The following TSPAN5 variants were observed in gnomAD, a reference collection of about 807,000 sequenced individuals.
The protein encoded by TSPAN5 is tetraspanin-5.
Under a neutral mutation model 37.1 loss-of-function variants are expected in TSPAN5, and 10 were observed. That is an observed-to-expected ratio of 0.27 (90% CI 0.17 to 0.46). The LOEUF (loss-of-function observed/expected upper bound fraction) is 0.46, where lower values mean the gene tolerates loss of function less well. TSPAN5 is among the 20% of genes least tolerant of loss of function. TSPAN5 has a pLI of 1.00. For missense variants in TSPAN5, 195 were observed against 326.6 expected (o/e 0.60, Z 3.11); for synonymous variants, 110 against 118.9 (o/e 0.93, Z 0.48).
chr4:98,608,949 A>G (rs1756108211), intron 1 of TSPAN5, among the ~76,000 whole-genome samples: 1 of 152,214 alleles, frequency 6.6e-6, no homozygotes. Context: ...AGTTACTAAC[A>G]CATGGCACTT....
At position 98,658,253 on chromosome 4, in the gene TSPAN5, C is replaced by CCGG; in HGVS notation, c.-30_-28dup. 1 of 1,599,780 alleles carries CCGG rather than the reference C, an allele frequency of 6.3e-7. No homozygotes were observed. Among genetic ancestry groups the CCGG allele is most frequent in the Non-Finnish European group, 8.6e-7 (1 of 1,167,006 alleles). ...CTCTGGGTTCATGAAGACACTTGCC[C>CCGG]CGGCAGCCCGAGTTTGGAGCTCCGA... On this transcript the variant is annotated 5_prime_UTR_variant, in exon 1 of 8. Coordinates refer to ENST00000305798, the MANE Select transcript of TSPAN5 (RefSeq NM_005723.4).
In TSPAN5 at chr4:98,555,991, G is replaced by A. The variant is rs545794893; in HGVS notation, c.82-48263C>T. Among the ~76,000 whole-genome samples, 5 of 146,900 alleles carry A rather than the reference G, an allele frequency of 3.4e-5. No homozygotes were observed. The South Asian group carries it at 8.6e-4, about 25-fold the overall frequency. On this transcript the variant is annotated intron_variant, in intron 1 of 7. Coordinates refer to ENST00000305798, the MANE Select transcript of TSPAN5 (RefSeq NM_005723.4). ...CACACGCGCGCGCACACACACGTGC[G>A]TGCGCACACACACACGTGCACAGCA...
At chr4:98,598,172 A>C (rs564024271) in intron 1 of TSPAN5, among the ~76,000 whole-genome samples, 118 of 137,360 alleles carry the variant, frequency 8.6e-4, no homozygotes, top group Non-Finnish European at 1.5e-3. Flanking sequence ...TGAAAAGCGC[A>C]ATATTCGGGT....
intron 1 of TSPAN5, among the ~76,000 whole-genome samples, chr4:98,510,857 G>T (rs1370483221): frequency 6.6e-6 from 1 of 152,158 alleles, no homozygotes; most frequent in Non-Finnish European, 1.5e-5. Flanking sequence ...ACTAGCAAAT[G>T]TCCTCCCAAT....
intron 1 of TSPAN5, among the ~76,000 whole-genome samples, chr4:98,547,077 A>T (rs1754486992): frequency 1.3e-5 from 2 of 152,148 alleles, no homozygotes; most frequent in African/African-American, 2.4e-5. Context: ...GGCAAGCATA[A>T]CAGTAGCCTT....
At chr4:98,492,793 C>G (rs1405015594) in intron 2 of TSPAN5, among the ~76,000 whole-genome samples, 2 of 152,178 alleles carry the variant, frequency 1.3e-5, no homozygotes, top group Non-Finnish European at 2.9e-5. Context: ...TCTTATGGAA[C>G]TTTTAGGTGA....
chr4:98,525,399 C>T (rs116545920), intron 1 of TSPAN5, among the ~76,000 whole-genome samples: 6 of 152,208 alleles, frequency 3.9e-5, no homozygotes, highest in Admixed American at 6.5e-5. Flanking sequence ...TTAGGTGAAC[C>T]GAACTGAAGT....
At chr4:98,521,201 A>T (rs1016841160) in intron 1 of TSPAN5, among the ~76,000 whole-genome samples, 2 of 152,236 alleles carry the variant, frequency 1.3e-5, no homozygotes, top group African/African-American at 2.4e-5. Flanking sequence ...AAGCACTGAG[A>T]TTACAGGTGT....
At chr4:98,656,094 C>T (rs887398532) in intron 1 of TSPAN5, among the ~76,000 whole-genome samples, 1 of 152,172 alleles carries the variant, frequency 6.6e-6, no homozygotes, top group African/African-American at 2.4e-5. Flanking sequence ...CCTATGAAGA[C>T]CTTCACAATC....
chr4:98,606,940 G>A (rs765883718), intron 1 of TSPAN5, among the ~76,000 whole-genome samples: 12 of 152,176 alleles, frequency 7.9e-5, no homozygotes, highest in Non-Finnish European at 2.9e-5. Context: ...AAGAGGCGAG[G>A]TGCAGACGGA....
intron 1 of TSPAN5, among the ~76,000 whole-genome samples, chr4:98,645,281 G>GT (rs1210072475): frequency 2.6e-5 from 4 of 152,164 alleles, no homozygotes; most frequent in Non-Finnish European, 5.9e-5. Flanking sequence ...CTAGAAGTTA[G>GT]TAAGTCATAT....
chr4:98,488,000 A>T (rs1467139750), intron 2 of TSPAN5, among the ~76,000 whole-genome samples: 1 of 152,198 alleles, frequency 6.6e-6, no homozygotes, highest in African/African-American at 2.4e-5. Flanking sequence ...AAATCAAAAT[A>T]CCTCCAGAGA....
intron 1 of TSPAN5, among the ~76,000 whole-genome samples, chr4:98,614,118 A>C (rs997774500): frequency 1.3e-5 from 2 of 152,204 alleles, no homozygotes; most frequent in Non-Finnish European, 2.9e-5. Context: ...GGTATCTCAA[A>C]GCACAAATGA....
intron 1 of TSPAN5, among the ~76,000 whole-genome samples, chr4:98,603,450 G>T (rs1755930773): frequency 1.3e-5 from 2 of 152,314 alleles, no homozygotes; most frequent in South Asian, 4.1e-4. Context: ...CAAATCTGTT[G>T]TCAATACATT....
At chr4:98,655,668 T>C in intron 1 of TSPAN5, among the ~76,000 whole-genome samples, 1 of 151,780 alleles carries the variant, frequency 6.6e-6, no homozygotes, top group East Asian at 1.9e-4. Context: ...GAGTCTGCTG[T>C]TTTTGGCAAT....
At chr4:98,561,914 C>G (rs1754889699) in intron 1 of TSPAN5, among the ~76,000 whole-genome samples, 1 of 152,186 alleles carries the variant, frequency 6.6e-6, no homozygotes, top group Non-Finnish European at 1.5e-5. Flanking sequence ...TTCCAGCAGA[C>G]ACTGTCCAGG....
intron 1 of TSPAN5, among the ~76,000 whole-genome samples, chr4:98,649,539 T>C (rs1369188488): frequency 4.6e-5 from 7 of 152,216 alleles, no homozygotes; most frequent in Non-Finnish European, 7.3e-5. Context: ...GGAAAGCAAG[T>C]GCAGTTTAGC....
Position 98,569,718 on chromosome 4 carries a change from A to T in TSPAN5, c.82-61990T>A, listed in dbSNP as rs190386339. 1.1e-4 allele frequency among the ~76,000 whole-genome samples: 17 copies of T among 152,338 alleles called. No individual in the cohort carries two copies. In the East Asian group the frequency reaches 2.9e-3, roughly 26 times the overall value. On this transcript the variant is annotated intron_variant, in intron 1 of 7. Coordinates refer to ENST00000305798, the MANE Select transcript of TSPAN5 (RefSeq NM_005723.4). ...AGAGTGGGGCCCCCACCTTGGCAAGACAGAGAAGAAAATTTGCTGAACCTG... is the reference window on the plus strand; with the variant it reads ...AGAGTGGGGCCCCCACCTTGGCAAGTCAGAGAAGAAAATTTGCTGAACCTG...
At chr4:98,628,698 C>G (rs1028094037) in intron 1 of TSPAN5, among the ~76,000 whole-genome samples, 4 of 152,118 alleles carry the variant, frequency 2.6e-5, no homozygotes, top group Admixed American at 2.6e-4. Flanking sequence ...CCCTTAATGG[C>G]TTATTTTCTG....
Sources: allele counts gnomAD v4.1 joint callset (sites outside exome capture counted in the v4.1 genomes callset), GRCh38; gene constraint gnomAD v4.1.1; transcripts MANE v1.5; gene names NCBI Gene and HGNC (gene_info 2026-07-23, HGNC 2026-07-21).